The following CLYBL variants were observed in gnomAD, a reference collection of about 807,000 sequenced individuals.
CLYBL encodes citramalyl-CoA lyase, also known as citramalyl-CoA lyase, mitochondrial.
Under a neutral mutation model 38.9 loss-of-function variants are expected in CLYBL, and 31 were observed. The ratio of observed to expected loss-of-function variants is 0.80; its 90% CI spans 0.60 to 1.08. The LOEUF (loss-of-function observed/expected upper bound fraction) is 1.08. CLYBL is among the 50% of genes least tolerant of loss of function. The pLI is 0.00. For missense variants in CLYBL, 434 were observed against 411.6 expected, an observed-to-expected ratio of 1.05 and a Z score of -0.47; for synonymous variants, 171 against 158.6, an observed-to-expected ratio of 1.08 and a Z score of -0.59.
At chr13:99,723,780 CAG>C (rs1566301818) in intron 1 of CLYBL, among the ~76,000 whole-genome samples, 1 of 152,116 alleles carries the variant, frequency 6.6e-6, no homozygotes, top group Non-Finnish European at 1.5e-5. Context: ...AAGTAAGAAA[CAG>C]AGGTGACAAG....
intron 2 of CLYBL, among the ~76,000 whole-genome samples, chr13:99,805,756 A>C (rs2050220425): frequency 6.6e-6 from 1 of 152,218 alleles, no homozygotes. Context: ...TTTTAAAAGC[A>C]ATGAAGAATA....
At chr13:99,639,502 A>G (rs1187828029) in intron 1 of CLYBL, among the ~76,000 whole-genome samples, 2 of 152,252 alleles carry the variant, frequency 1.3e-5, no homozygotes, top group Non-Finnish European at 2.9e-5. Context: ...TTTAGCAGTC[A>G]TGTAAATGCA....
intron 1 of CLYBL, among the ~76,000 whole-genome samples, chr13:99,694,370 G>T (rs866555024): frequency 1.3e-5 from 2 of 152,220 alleles, no homozygotes; most frequent in Non-Finnish European, 1.5e-5. Flanking sequence ...CAACCAAAGC[G>T]TGCGTTTTCC....
chr13:99,702,630 C>T (rs1184506986), intron 1 of CLYBL, among the ~76,000 whole-genome samples: 1 of 132,408 alleles, frequency 7.6e-6, no homozygotes, highest in Non-Finnish European at 1.6e-5. Flanking sequence ...GAAATTCCGT[C>T]TCAAAAAAAA....
chr13:99,645,319 AC>A (rs1487537265), intron 1 of CLYBL, among the ~76,000 whole-genome samples: 16 of 152,018 alleles, frequency 1.1e-4, no homozygotes, highest in Non-Finnish European at 2.2e-4. Context: ...ACATGGTGAA[AC>A]CCCGTCTCTA....
chr13:99,729,937 C>A (rs985137221), intron 1 of CLYBL, among the ~76,000 whole-genome samples: 1 of 152,140 alleles, frequency 6.6e-6, no homozygotes, highest in African/African-American at 2.4e-5. Context: ...GGTGCACCTG[C>A]CACCGTCGGT....
At chr13:99,658,321 C>T (rs1369614893) in intron 1 of CLYBL, among the ~76,000 whole-genome samples, 1 of 152,254 alleles carries the variant, frequency 6.6e-6, no homozygotes, top group Non-Finnish European at 1.5e-5. Context: ...TAGTAATCAC[C>T]ACCTTCAGCG....
At chr13:99,691,454 C>T (rs977625171) in intron 1 of CLYBL, among the ~76,000 whole-genome samples, 1 of 151,910 alleles carries the variant, frequency 6.6e-6, no homozygotes, top group African/African-American at 2.4e-5. Flanking sequence ...TTGGTGCTCC[C>T]CAAAGGATCT....
chr13:99,807,845 A>G (rs1395813432), intron 2 of CLYBL, among the ~76,000 whole-genome samples: 2 of 152,328 alleles, frequency 1.3e-5, no homozygotes, highest in East Asian at 3.9e-4. Context: ...AAAGAAAAAT[A>G]ACTTGGGCCT....
At chr13:99,755,973 A>G (rs1247056664) in intron 1 of CLYBL, among the ~76,000 whole-genome samples, 2 of 152,144 alleles carry the variant, frequency 1.3e-5, no homozygotes, top group East Asian at 3.8e-4. Flanking sequence ...TAAGAATTCT[A>G]TGTTCAGACC....
At chr13:99,617,794 C>A (rs1241499162) in intron 1 of CLYBL, among the ~76,000 whole-genome samples, 2 of 152,106 alleles carry the variant, frequency 1.3e-5, no homozygotes, top group Non-Finnish European at 2.9e-5. Flanking sequence ...TCCTTATGAC[C>A]TCCTCTCTCC....
rs147412022 is a variant in CLYBL at position 99,818,056 on chromosome 13, C to T, written c.250-40805C>T. Among the ~76,000 whole-genome samples the T allele has an allele frequency of 4.8e-3, 714 of 148,558 alleles. 8 individuals carry two copies. Among genetic ancestry groups the T allele is most frequent in the African/African-American group, 0.016 (645 of 40,258 alleles). On this transcript the variant is annotated intron_variant, in intron 2 of 8. Coordinates refer to ENST00000339105, the MANE Select transcript of CLYBL (RefSeq NM_206808.5). ...AGGAAGGGAGGGAGGGAAGAAGTGACGGAAGAAGTGAGGGAAGGAGGAAGG... is the reference window on the plus strand; with the variant it reads ...AGGAAGGGAGGGAGGGAAGAAGTGATGGAAGAAGTGAGGGAAGGAGGAAGG...
chr13:99,841,523 G>A (rs1334556686), intron 2 of CLYBL, among the ~76,000 whole-genome samples: 1 of 149,052 alleles, frequency 6.7e-6, no homozygotes, highest in African/African-American at 2.5e-5. Flanking sequence ...CCTCAGCCTC[G>A]CGAGTAGCTG....
intron 2 of CLYBL, among the ~76,000 whole-genome samples, chr13:99,818,446 AACACACACACACAC>A (rs57249330): frequency 1.2e-3 from 178 of 143,320 alleles, no homozygotes; most frequent in Middle Eastern, 7.2e-3. Context: ...TGGAGCAGAA[AACACACACACACAC>A]ACACACACAC....
chr13:99,843,523 G>A (rs1288039078), intron 2 of CLYBL, among the ~76,000 whole-genome samples: 4 of 151,952 alleles, frequency 2.6e-5, no homozygotes, highest in Non-Finnish European at 5.9e-5. Flanking sequence ...TAAAATGGTA[G>A]CTGACACATA....
At chr13:99,633,210 C>CAA (rs59801603) in intron 1 of CLYBL, among the ~76,000 whole-genome samples, 11,879 of 62,144 alleles carry the variant, frequency 0.19, 1,537 homozygotes, top group East Asian at 0.43. Flanking sequence ...GATCCTGTCT[C>CAA]AAAAAAAAAA....
Position 99,868,561 on chromosome 13 carries a change from A to G in CLYBL, c.802+2154A>G, listed in dbSNP as rs567696541. On this transcript the variant is annotated intron_variant, in intron 6 of 8. Coordinates refer to ENST00000339105, the MANE Select transcript of CLYBL (RefSeq NM_206808.5). The stretch of plus-strand genomic sequence containing the variant: ...TGGTAAGGAAGACTAAGTCTGTGCT[A>G]TAAGGATTGCCTTTACTTTTAAAAA... Among the ~76,000 whole-genome samples the G allele has an allele frequency of 2.6e-5, 4 of 152,244 alleles. No homozygotes were observed. In the East Asian group the frequency reaches 7.7e-4, roughly 29 times the overall value.
intron 2 of CLYBL, among the ~76,000 whole-genome samples, chr13:99,846,835 A>C (rs1227702207): frequency 6.6e-6 from 1 of 152,232 alleles, no homozygotes; most frequent in Non-Finnish European, 1.5e-5. Flanking sequence ...TGCAGACAGG[A>C]GTCTCCTACA....
At chr13:99,824,894 A>G (rs9513672) in intron 2 of CLYBL, among the ~76,000 whole-genome samples, 30,795 of 151,994 alleles carry the variant, frequency 0.2, 3,371 homozygotes, top group East Asian at 0.37. Flanking sequence ...ATTTGTTAGG[A>G]TGTCAGTTTT....
Sources: allele counts gnomAD v4.1 joint callset (sites outside exome capture counted in the v4.1 genomes callset), GRCh38; gene constraint gnomAD v4.1.1; transcripts MANE v1.5; gene names NCBI Gene and HGNC (gene_info 2026-07-23, HGNC 2026-07-21).